Variants in UBE2G2 observed in about 807,000 individuals in gnomAD.
The protein encoded by UBE2G2 is ubiquitin-conjugating enzyme E2 G2.
In UBE2G2, 10 loss-of-function variants were observed where a neutral mutation model predicts 23.0. The observed-to-expected ratio is 0.43, with a 90% CI of 0.27 to 0.74. The LOEUF is 0.74. Among genes scored for constraint, UBE2G2 ranks in the 30% least tolerant of loss-of-function variants. The pLI is 0.19. For synonymous variants in UBE2G2, 86 were observed against 81.3 expected, an observed-to-expected ratio of 1.06 and a Z score of -0.31; for missense variants, 150 against 218.3, an observed-to-expected ratio of 0.69 and a Z score of 1.97.
intron 3 of UBE2G2, chr21:44,779,296 G>C: frequency 2.7e-6 from 1 of 364,288 alleles, no homozygotes; most frequent in Non-Finnish European, 5.3e-6. Flanking sequence ...GACAAATTTT[G>C]ATTCTGAAAA....
chr21:44,768,763 G>C lies in UBE2G2; in HGVS notation c.*2614C>G, dbSNP rs782706406. On this transcript the variant is annotated 3_prime_UTR_variant, in exon 6 of 6. Transcript: ENST00000345496. ...GCCTGCTGGCTTCTAGTGGTCAAAT[G>C]TGCCACTCACACAATGGCATCTGCT... is the stretch of plus-strand genomic sequence containing the variant. 1.3e-5 allele frequency: 2 copies of C among 152,230 alleles called. No individual in the cohort carries two copies. The highest frequency in any genetic ancestry group is 2.9e-5 in the Non-Finnish European group (2 of 68,048). 9.4% of individuals were successfully genotyped at this position (152,230 alleles called of 1,614,324 possible). A position where few individuals can be genotyped will look rare whatever the true frequency, so the allele number is the denominator to read the frequency against.
chr21:44,795,702 A>G (rs2083082914), intron 1 of UBE2G2, among the ~76,000 whole-genome samples: 2 of 152,104 alleles, frequency 1.3e-5, no homozygotes, highest in Non-Finnish European at 2.9e-5. Flanking sequence ...GTCAGCAAGG[A>G]GGTGGGGCAA....
At chr21:44,780,219 A>G (rs1773336992) in intron 3 of UBE2G2, among the ~76,000 whole-genome samples, 1 of 152,174 alleles carries the variant, frequency 6.6e-6, no homozygotes, top group African/African-American at 2.4e-5. Flanking sequence ...TGAAACTGGG[A>G]TTTCTTTCTC....
At chr21:44,792,320 G>A (rs1319821929) in intron 1 of UBE2G2, among the ~76,000 whole-genome samples, 2 of 152,064 alleles carry the variant, frequency 1.3e-5, no homozygotes, top group Admixed American at 6.5e-5. Flanking sequence ...GAAATGACAT[G>A]GTTTGGCTTT....
At chr21:44,774,000 C>A in intron 4 of UBE2G2, 1 of 247,504 alleles carries the variant, frequency 4.0e-6, no homozygotes, top group East Asian at 8.9e-5. Context: ...GGTTATCTGG[C>A]AAATATTTTA....
At chr21:44,785,568 G>A (rs559307449) in intron 3 of UBE2G2, 24 of 152,284 alleles carry the variant, frequency 1.6e-4, no homozygotes, top group African/African-American at 4.8e-4. Context: ...ACAGCCGTTC[G>A]ACTTCTGTGA....
chr21:44,796,395 A>G (rs2083089088), intron 1 of UBE2G2, among the ~76,000 whole-genome samples: 1 of 152,238 alleles, frequency 6.6e-6, no homozygotes, highest in Non-Finnish European at 1.5e-5. Flanking sequence ...GTGCATGAAC[A>G]TCTAACCAAA....
intron 3 of UBE2G2, among the ~76,000 whole-genome samples, chr21:44,778,109 G>C (rs1458858887): frequency 1.3e-5 from 2 of 152,222 alleles, no homozygotes; most frequent in African/African-American, 4.8e-5. Context: ...TTTAGGATAA[G>C]GGTATGAATT....
chr21:44,799,627 G>C (rs1344740814), intron 1 of UBE2G2, among the ~76,000 whole-genome samples: 2 of 152,210 alleles, frequency 1.3e-5, no homozygotes, highest in Admixed American at 6.5e-5. Flanking sequence ...TGGCTTAAAG[G>C]AATGTTATGG....
chr21:44,780,836 C>T lies in UBE2G2; in HGVS notation c.126-3419G>A, dbSNP rs369819447. 2.0e-5 allele frequency among the ~76,000 whole-genome samples: 3 copies of T among 152,218 alleles called. No individual in the cohort carries two copies. The East Asian group carries it at 5.8e-4, about 29-fold the overall frequency. On this transcript the variant is annotated intron_variant, in intron 3 of 5. Transcript: ENST00000345496. ...AAGATCAGCCTCTTCTGTCTTTCCA[C>T]ACTCAACTCAAGGGAGAGATTGTTC...
intron 3 of UBE2G2, among the ~76,000 whole-genome samples, chr21:44,779,536 G>A (rs532815422): frequency 2.0e-5 from 3 of 151,318 alleles, no homozygotes; most frequent in African/African-American, 7.3e-5. Flanking sequence ...GGCACCCAGC[G>A]CCCGGCAGCC....
intron 1 of UBE2G2, among the ~76,000 whole-genome samples, chr21:44,789,558 G>A (rs946981768): frequency 1.3e-5 from 2 of 151,930 alleles, no homozygotes; most frequent in Non-Finnish European, 1.5e-5. Context: ...ACCCTGACTC[G>A]AGGGAACACA....
intron 3 of UBE2G2, among the ~76,000 whole-genome samples, chr21:44,782,821 G>C (rs1200237439): frequency 6.6e-6 from 1 of 152,002 alleles, no homozygotes; most frequent in Non-Finnish European, 1.5e-5. Flanking sequence ...ATGTAAAAGT[G>C]AAAAAACACA....
At chr21:44,782,512 C>T (rs1338934145) in intron 3 of UBE2G2, among the ~76,000 whole-genome samples, 9 of 152,236 alleles carry the variant, frequency 5.9e-5, no homozygotes, top group South Asian at 4.2e-4. Context: ...ACAAAGTTGG[C>T]GGACTTAAAT....
At chr21:44,778,684 G>A (rs2082931816) in intron 3 of UBE2G2, among the ~76,000 whole-genome samples, 2 of 152,226 alleles carry the variant, frequency 1.3e-5, no homozygotes, top group South Asian at 4.1e-4. Context: ...AAGGAAGCAG[G>A]ACTGCTGAAT....
chr21:44,788,163 C>A, intron 1 of UBE2G2, 68 bp from the exon 2 acceptor site: 2 of 1,438,006 alleles, frequency 1.4e-6, no homozygotes, highest in Non-Finnish European at 1.9e-6. Context: ...TAACAAAACA[C>A]CTTTACAAAA....
chr21:44,776,289 T>C (rs562905466), intron 4 of UBE2G2, among the ~76,000 whole-genome samples: 38 of 152,236 alleles, frequency 2.5e-4, no homozygotes, highest in African/African-American at 8.9e-4. Flanking sequence ...TTTCCTCCTT[T>C]TAAAATTAAT....
chr21:44,779,854 T>G (rs2082943155), intron 3 of UBE2G2, among the ~76,000 whole-genome samples: 2 of 152,106 alleles, frequency 1.3e-5, no homozygotes, highest in Non-Finnish European at 2.9e-5. Context: ...AGTATTAGAG[T>G]TAAGAGAACA....
rs143283318 is a variant in UBE2G2 at position 44,782,624 on chromosome 21, A to T, written c.126-5207T>A. ...AATGGAATGCAATTCAGAGTCCAAA[A>T]ATAAATCCTTGCATTTATAGTCAAC... On this transcript the variant is annotated intron_variant, in intron 3 of 5. Transcript: ENST00000345496. 5.9e-5 allele frequency among the ~76,000 whole-genome samples: 9 copies of T among 152,342 alleles called. 1 individual carries two copies. Among genetic ancestry groups the T allele is most frequent in the African/African-American group, 2.2e-4 (9 of 41,560 alleles).
Sources: allele counts gnomAD v4.1 joint callset (sites outside exome capture counted in the v4.1 genomes callset), GRCh38; gene constraint gnomAD v4.1.1; transcripts MANE v1.5; gene names NCBI Gene and HGNC (gene_info 2026-07-23, HGNC 2026-07-21).